The following GRM8 variants were observed in gnomAD, a reference collection of about 807,000 sequenced individuals.
GRM8 encodes metabotropic glutamate receptor 8.
Under a neutral mutation model 87.2 loss-of-function variants are expected in GRM8, and 47 were observed. The ratio of observed to expected loss-of-function variants is 0.54; its 90% CI spans 0.43 to 0.69. The LOEUF (loss-of-function observed/expected upper bound fraction) is 0.69. GRM8 is among the 30% of genes least tolerant of loss of function. The pLI, the probability that GRM8 is intolerant of heterozygous loss-of-function variation, is 0.00. For synonymous variants in GRM8, 396 were observed against 404.5 expected, an observed-to-expected ratio of 0.98 and a Z score of 0.25; for missense variants, 1,019 against 1,139.2, an observed-to-expected ratio of 0.89 and a Z score of 1.52.
chr7:127,190,031 T>C (rs1321472893), intron 2 of GRM8, among the ~76,000 whole-genome samples: 1 of 152,240 alleles, frequency 6.6e-6, no homozygotes, highest in Non-Finnish European at 1.5e-5. Context: ...GCTAGATGGC[T>C]CTGCTAATCT....
chr7:126,892,605 G>A (rs182019923), intron 6 of GRM8, among the ~76,000 whole-genome samples: 3 of 152,088 alleles, frequency 2.0e-5, no homozygotes, highest in Admixed American at 6.6e-5. Context: ...ATACATGTGC[G>A]TGTGTCTTTA....
chr7:126,927,679 G>A (rs1805285987), intron 3 of GRM8, among the ~76,000 whole-genome samples: 1 of 152,152 alleles, frequency 6.6e-6, no homozygotes, highest in Non-Finnish European at 1.5e-5. Flanking sequence ...ACCATCTCAT[G>A]CCAGTTAGAA....
intron 7 of GRM8, among the ~76,000 whole-genome samples, chr7:126,703,732 A>T (rs982088305): frequency 1.3e-5 from 2 of 152,040 alleles, no homozygotes; most frequent in Non-Finnish European, 2.9e-5. Context: ...GCTAATTTTT[A>T]AAATTTTTTT....
chr7:127,055,735 C>A (rs2132531574), intron 3 of GRM8, among the ~76,000 whole-genome samples: 1 of 152,002 alleles, frequency 6.6e-6, no homozygotes, highest in Middle Eastern at 3.4e-3. Context: ...CCAAAGCCCT[C>A]ATTAGCTCAG....
chr7:127,103,592 AAC>A (rs1825537012), intron 3 of GRM8, among the ~76,000 whole-genome samples: 1 of 152,316 alleles, frequency 6.6e-6, no homozygotes, highest in African/African-American at 2.4e-5. Context: ...GGAATGGTCT[AAC>A]ACACCTCCAT....
At chr7:126,480,383 C>CAATA (rs201875245) in intron 9 of GRM8, among the ~76,000 whole-genome samples, 2,968 of 138,070 alleles carry the variant, frequency 0.021, 106 homozygotes, top group African/African-American at 0.067. Flanking sequence ...GATTCTGTCT[C>CAATA]AATAAATAAA....
At chr7:127,172,804 G>T (rs552653808) in intron 2 of GRM8, among the ~76,000 whole-genome samples, 104 of 151,572 alleles carry the variant, frequency 6.9e-4, no homozygotes, top group Non-Finnish European at 1.2e-3. Flanking sequence ...AGATAATTTT[G>T]TCACCTAAAG....
At chr7:126,806,983 C>T (rs879669964) in intron 6 of GRM8, among the ~76,000 whole-genome samples, 2 of 152,186 alleles carry the variant, frequency 1.3e-5, no homozygotes, top group Non-Finnish European at 2.9e-5. Flanking sequence ...TCCTCGAGCG[C>T]GGCCAGAGCG....
intron 6 of GRM8, among the ~76,000 whole-genome samples, chr7:126,788,409 C>CAAAAAAAAAAAAAAAAAAAAAAAAA (rs67131936): frequency 8.3e-4 from 9 of 10,792 alleles, no homozygotes; most frequent in African/African-American, 1.4e-3. Flanking sequence ...GACTCCATCT[C>CAAAAAAAAAAAAAAAAAAAAAAAAA]AAAAAAAAAA....
chr7:127,028,132 T>C (rs1816980870), intron 3 of GRM8, among the ~76,000 whole-genome samples: 1 of 152,222 alleles, frequency 6.6e-6, no homozygotes, highest in South Asian at 2.1e-4. Context: ...AGATTATGTT[T>C]ATTGATTTTT....
At chr7:127,043,080 A>C (rs1366832306) in intron 3 of GRM8, among the ~76,000 whole-genome samples, 2 of 152,230 alleles carry the variant, frequency 1.3e-5, no homozygotes, top group African/African-American at 4.8e-5. Context: ...ATCTCACACC[A>C]GTTGGAATGG....
chr7:126,744,519 A>G (rs1054313763), intron 7 of GRM8, among the ~76,000 whole-genome samples: 1 of 152,066 alleles, frequency 6.6e-6, no homozygotes, highest in Non-Finnish European at 1.5e-5. Context: ...AAATGTTCCA[A>G]CATTTAAAAG....
chr7:126,664,269 T>C (rs186653726), intron 7 of GRM8, among the ~76,000 whole-genome samples: 1 of 152,196 alleles, frequency 6.6e-6, no homozygotes, highest in Admixed American at 6.5e-5. Flanking sequence ...TTATCTCTCA[T>C]AGAGTTCGAA....
chr7:127,156,566 A>T (rs1792745199), intron 2 of GRM8, among the ~76,000 whole-genome samples: 2 of 151,928 alleles, frequency 1.3e-5, no homozygotes, highest in Non-Finnish European at 2.9e-5. Context: ...GCACTCCATC[A>T]CCCTCCTCTT....
At chr7:126,583,096 C>T (rs1795761682) in intron 8 of GRM8, among the ~76,000 whole-genome samples, 1 of 152,162 alleles carries the variant, frequency 6.6e-6, no homozygotes, top group Non-Finnish European at 1.5e-5. Flanking sequence ...TGGCTCATGC[C>T]TGTAGTCCCA....
At chr7:127,038,884 T>C (rs1207838168) in intron 3 of GRM8, among the ~76,000 whole-genome samples, 1 of 152,178 alleles carries the variant, frequency 6.6e-6, no homozygotes, top group Admixed American at 6.5e-5. Flanking sequence ...ATGGTAACCA[T>C]AGCCAAACTT....
chr7:126,594,528 T>C (rs1360800488), intron 8 of GRM8, among the ~76,000 whole-genome samples: 1 of 152,220 alleles, frequency 6.6e-6, no homozygotes, highest in East Asian at 1.9e-4. Flanking sequence ...ATATGGAATC[T>C]AGAAAGATGC....
At chr7:126,648,860 A>ACCATATTC (rs1487615144) in intron 7 of GRM8, among the ~76,000 whole-genome samples, 1 of 152,210 alleles carries the variant, frequency 6.6e-6, no homozygotes, top group Non-Finnish European at 1.5e-5. Context: ...ATAGGGAAAC[A>ACCATATTC]CCATATTCCC....
intron 3 of GRM8, among the ~76,000 whole-genome samples, chr7:127,106,139 T>G (rs1023576000): frequency 4.6e-5 from 7 of 152,220 alleles, no homozygotes; most frequent in African/African-American, 1.4e-4. Context: ...TTTTTTAAAT[T>G]TAATGACTTG....
Sources: gnomAD v4.1 joint callset for allele counts (sites outside exome capture counted in the v4.1 genomes callset) on GRCh38, gnomAD v4.1.1 for gene constraint, MANE v1.5 for transcripts, NCBI Gene and HGNC (gene_info 2026-07-23, HGNC 2026-07-21) for gene names.